MESP1: variants seen among roughly 807,000 people sequenced by gnomAD.
MESP1 encodes the protein mesoderm posterior protein 1.
In MESP1, 22 loss-of-function variants were observed where a neutral mutation model predicts 15.2. The ratio of observed to expected loss-of-function variants is 1.45; its 90% CI spans 1.04 to 2.07. The LOEUF (loss-of-function observed/expected upper bound fraction) is 2.07. Among genes scored for constraint, MESP1 ranks in the 30% most tolerant of loss-of-function variants. The pLI is 0.00. For synonymous variants in MESP1, 216 were observed against 192.6 expected, an observed-to-expected ratio of 1.12 and a Z score of -1.01; for missense variants, 484 against 411.9, an observed-to-expected ratio of 1.17 and a Z score of -1.51.
At chr15:89,740,605 G>C in the MESP1 span, among the ~76,000 whole-genome samples, 8 of 152,182 alleles carry the variant, frequency 5.3e-5, no homozygotes, top group East Asian at 1.6e-3. Flanking sequence ...GGGTTCAAGC[G>C]ATTCTCCTGC....
At chr15:89,736,571 GA>G in the MESP1 span, among the ~76,000 whole-genome samples, 2 of 152,038 alleles carry the variant, frequency 1.3e-5, no homozygotes, top group South Asian at 4.1e-4. Flanking sequence ...GGGCCCCAGG[GA>G]AAACTGCATG....
chr15:89,750,803 G>T lies in MESP1; in HGVS notation c.429C>A (p.Ser143Arg), dbSNP rs1005321660. The change falls in exon 1 of 2, where the codon AGC (serine) becomes AGA (arginine). Residue 143 changes from serine to arginine, a missense_variant. By Grantham distance (110) the Ser-to-Arg change is moderately radical. Coordinates refer to ENST00000300057, the MANE Select transcript of MESP1 (RefSeq NM_018670.4). ...IGHLSAVLGL[S>R]EESLQRRCRQ... ...GGCACCGGCGCTGGAGACTCTCCTC[G>T]CTGAGGCCTAGCACGGCCGACAGGT... 3 of 1,525,612 alleles carry T rather than the reference G, an allele frequency of 2.0e-6. No individual in the cohort carries two copies. The highest frequency in any genetic ancestry group is 2.6e-6 in the Non-Finnish European group (3 of 1,142,602). The allele number at this position is 1,525,612 out of a possible 1,614,324, so 94.5% of individuals were successfully genotyped here. A position where few individuals can be genotyped will look rare whatever the true frequency, so the allele number is the denominator to read the frequency against.
chr15:89,745,695 C>T (rs1467859086), downstream of MESP1, among the ~76,000 whole-genome samples: 4 of 152,116 alleles, frequency 2.6e-5, no homozygotes, highest in East Asian at 1.9e-4. The surrounding 1 kb of genome is among the most constrained non-coding windows in gnomAD (Gnocchi z 4.8). Flanking sequence ...ACCCAGAAGA[C>T]GGAGCTTGCA....
the MESP1 span, chr15:89,735,448 C>T: frequency 6.3e-7 from 1 of 1,596,972 alleles, no homozygotes; most frequent in Non-Finnish European, 8.6e-7. Context: ...AACTTTTAAA[C>T]TCTTAAAGTA....
At chr15:89,740,424 G>A in the MESP1 span, among the ~76,000 whole-genome samples, 1 of 152,186 alleles carries the variant, frequency 6.6e-6, no homozygotes, top group Non-Finnish European at 1.5e-5. Flanking sequence ...TGAAGAAGGC[G>A]ATGGTTGACA....
In MESP1 at chr15:89,750,171, C is replaced by T; in HGVS notation, c.780G>A (p.Leu260=). The change falls in exon 2 of 2, where the codon CTG becomes CTA. Residue 260 remains leucine, a synonymous_variant. Coordinates refer to ENST00000300057, the MANE Select transcript of MESP1 (RefSeq NM_018670.4). ...LLETWMPLSP[L]EWLPEEPK Reference sequence around the variant, plus strand: ...ACTTGGGCTCCTCAGGCAGCCACTCCAGAGGCGAGAGGGGCATCCAGGTCT... The same window carrying T: ...ACTTGGGCTCCTCAGGCAGCCACTCTAGAGGCGAGAGGGGCATCCAGGTCT... 1 of 1,614,088 alleles carries T rather than the reference C, an allele frequency of 6.2e-7. No individual in the cohort carries two copies. The highest frequency in any genetic ancestry group is 8.5e-7 in the Non-Finnish European group (1 of 1,180,016).
rs1049606089 is a variant in MESP1 at position 89,750,031 on chromosome 15, G to C, written c.*113C>G. 2 of 1,048,670 alleles carry C rather than the reference G, an allele frequency of 1.9e-6. No homozygotes were observed. Among genetic ancestry groups the C allele is most frequent in the Admixed American group, 3.5e-5 (2 of 56,780 alleles). The allele number at this position is 1,048,670 out of a possible 1,614,324, so 65.0% of individuals were successfully genotyped here. A position where few individuals can be genotyped will look rare whatever the true frequency, so the allele number is the denominator to read the frequency against. ...GGCTCTCACCCGCAGGAATGCCCCC[G>C]TCGGGATCGCCCGTGCCCTCTTCCA... On this transcript the variant is annotated 3_prime_UTR_variant, in exon 2 of 2. Transcript: ENST00000300057.
At chr15:89,738,145 A>C in the MESP1 span, 21 of 1,614,116 alleles carry the variant, frequency 1.3e-5, no homozygotes, top group Middle Eastern at 1.6e-4. Context: ...TATCTCAAAA[A>C]ATTGTACCAT....
Position 89,750,517 on chromosome 15 carries a change from G to A in MESP1, c.715C>T (p.Pro239Ser). 6.7e-7 allele frequency: 1 copy of A among 1,501,810 alleles called. No homozygotes were observed. Among genetic ancestry groups the A allele is most frequent in the Non-Finnish European group, 8.8e-7 (1 of 1,133,634 alleles). 93.0% of individuals were successfully genotyped at this position (1,501,810 alleles called of 1,614,324 possible). The change falls in exon 1 of 2, where the codon CCG (proline) becomes TCG (serine). Residue 239 changes from proline to serine, a missense_variant. Physicochemically the swap from Pro to Ser is moderately conservative, Grantham distance 74. Coordinates refer to ENST00000300057, the MANE Select transcript of MESP1 (RefSeq NM_018670.4). ...GGGAAGGGGACACTAACCGGGGACG[G>A]TGGGCTTGGCTCCATCGCCTGCCCT... is the stretch of plus-strand genomic sequence containing the variant. The part of the protein sequence containing the change: ...PEGQAMEPSP[P>S]SPLLPGDVLA...
the MESP1 span, among the ~76,000 whole-genome samples, chr15:89,739,931 A>G: frequency 6.6e-6 from 1 of 152,192 alleles, no homozygotes; most frequent in Non-Finnish European, 1.5e-5. Context: ...TGGTTAAGAT[A>G]TGCAGGTCTG....
chr15:89,751,143 T>C lies in MESP1; in HGVS notation c.89A>G (p.Lys30Arg). 1 of 1,271,496 alleles carries C rather than the reference T, an allele frequency of 7.9e-7. No homozygotes were observed. Among genetic ancestry groups the C allele is most frequent in the Non-Finnish European group, 9.9e-7 (1 of 1,011,816 alleles). The allele number at this position is 1,271,496 out of a possible 1,614,324, so 78.8% of individuals were successfully genotyped here. Residue 30 changes from lysine to arginine, a missense_variant, in exon 1 of 2, where the codon AAG becomes AGG. Lys to Arg is a conservative substitution (Grantham distance 26). Transcript: ENST00000300057. The stretch of plus-strand genomic sequence containing the variant: ...CGAGACGAGGGAGCGGCCGCAGTCC[T>C]TGTCGGAGGGCGGCGGCCGCCGAGT... ...GPTRRPPPSDKDCGRSLVSSP... is the reference protein window; with the variant it reads ...GPTRRPPPSDRDCGRSLVSSP...
At chr15:89,749,296 C>G (rs183641286), downstream of MESP1, 1 of 152,336 alleles carries the variant, frequency 6.6e-6, no homozygotes, top group African/African-American at 2.4e-5. Context: ...GTGGGGAAAC[C>G]AGAGAAAAGG....
chr15:89,733,738 C>A, the MESP1 span, among the ~76,000 whole-genome samples: 2 of 152,174 alleles, frequency 1.3e-5, no homozygotes, highest in Admixed American at 6.5e-5. Context: ...AAGGCTCTCA[C>A]TAGCTGTGGA....
downstream of MESP1, among the ~76,000 whole-genome samples, chr15:89,746,933 C>CA (rs1967975166): frequency 9.4e-6 from 1 of 106,606 alleles, no homozygotes; most frequent in Non-Finnish European, 1.8e-5. Context: ...AGCCCCACCT[C>CA]CACACACACA....
chr15:89,747,266 G>A (rs371381040), downstream of MESP1, among the ~76,000 whole-genome samples: 58 of 152,284 alleles, frequency 3.8e-4, no homozygotes, highest in South Asian at 6.0e-3. Flanking sequence ...TTCCCTGTGC[G>A]TCAGCTTCTG....
the MESP1 span, chr15:89,735,618 A>G: frequency 6.6e-7 from 1 of 1,524,442 alleles, no homozygotes; most frequent in Non-Finnish European, 9.1e-7. Context: ...GAATGTGTTC[A>G]TCTGTCCTTT....
At chr15:89,745,133 G>A (rs1162591599), downstream of MESP1, among the ~76,000 whole-genome samples, 6 of 152,178 alleles carry the variant, frequency 3.9e-5, no homozygotes, top group South Asian at 2.1e-4. The surrounding 1 kb of genome is among the most constrained non-coding windows in gnomAD (Gnocchi z 4.8). Context: ...AGAGGCACCC[G>A]GCCCAGCAGA....
chr15:89,751,127 G>A lies in MESP1; in HGVS notation c.105C>T (p.Ser35=). The change falls in exon 1 of 2, where the codon TCC becomes TCT. Residue 35 remains serine (S), a synonymous_variant. Coordinates refer to ENST00000300057, the MANE Select transcript of MESP1 (RefSeq NM_018670.4). ...CCCATGAGTCTGGGGACGAGACGAG[G>A]GAGCGGCCGCAGTCCTTGTCGGAGG... ...PPPSDKDCGR[S]LVSSPDSWGS... The A allele has an allele frequency of 1.6e-6, 2 of 1,281,420 alleles. No individual in the cohort carries two copies. The highest frequency in any genetic ancestry group is 2.0e-6 in the Non-Finnish European group (2 of 1,017,146). The allele number at this position is 1,281,420 out of a possible 1,614,324, so 79.4% of individuals were successfully genotyped here. A position where few individuals can be genotyped will look rare whatever the true frequency, so the allele number is the denominator to read the frequency against.
chr15:89,739,009 G>T, the MESP1 span, among the ~76,000 whole-genome samples: 1 of 151,886 alleles, frequency 6.6e-6, no homozygotes, highest in Non-Finnish European at 1.5e-5. Flanking sequence ...AGCTACTCTG[G>T]AGGCTGAGGT....
Sources: gnomAD v4.1 joint callset for allele counts (sites outside exome capture counted in the v4.1 genomes callset) on GRCh38, gnomAD v4.1.1 for gene constraint, Gnocchi (gnomAD v3.1) non-coding constraint, MANE v1.5 for transcripts, NCBI Gene and HGNC (gene_info 2026-07-23, HGNC 2026-07-21) for gene names.